UBXN4: variants seen among roughly 807,000 people sequenced by gnomAD.
The protein encoded by UBXN4 is UBX domain-containing protein 4.
A neutral mutation model predicts 66.2 loss-of-function variants in UBXN4; 35 were observed. The observed-to-expected ratio is 0.53, with a 90% CI of 0.40 to 0.70. UBXN4 has a LOEUF of 0.70. UBXN4 is among the 30% of genes least tolerant of loss of function. The pLI, the probability that UBXN4 is intolerant of heterozygous loss-of-function variation, is 0.00. For synonymous variants in UBXN4, 203 were observed against 204.5 expected (o/e 0.99, Z 0.06); for missense variants, 533 against 599.8 (o/e 0.89, Z 1.16).
intron 2 of UBXN4, among the ~76,000 whole-genome samples, chr2:135,753,178 A>C (rs2105494571): frequency 6.7e-6 from 1 of 149,356 alleles, no homozygotes; most frequent in Non-Finnish European, 1.5e-5. Flanking sequence ...CACTTGCCAC[A>C]ATGCCCAGCT....
chr2:135,754,215 G>A lies in UBXN4; in HGVS notation c.271G>A (p.Glu91Lys). The A allele has an allele frequency of 6.2e-7, 1 of 1,614,124 alleles. No homozygotes were observed. Among genetic ancestry groups the A allele is most frequent in the Non-Finnish European group, 8.5e-7 (1 of 1,180,008 alleles). ...TATTGGAGACAGTGGAATTCCCTTGGAAGTAATAGCAGGAAGTGTTTCTGC... is the reference window on the plus strand; with the variant it reads ...TATTGGAGACAGTGGAATTCCCTTGAAAGTAATAGCAGGAAGTGTTTCTGC... ...FFIGDSGIPLEVIAGSVSADE... is the reference protein window; with the variant it reads ...FFIGDSGIPLKVIAGSVSADE... Residue 91 changes from glutamate to lysine, a missense_variant, in exon 4 of 13, where the codon GAA becomes AAA. By Grantham distance (56) the Glu-to-Lys change is moderately conservative. This residue lies in a region of UBXN4 where 529 missense variants were observed against 580.1 expected (regional missense o/e 0.91). Transcript: ENST00000272638.
intron 5 of UBXN4, among the ~76,000 whole-genome samples, chr2:135,759,412 T>G (rs930404795): frequency 3.3e-5 from 5 of 152,192 alleles, no homozygotes; most frequent in African/African-American, 7.2e-5. Context: ...TATATTGCTA[T>G]TGGTTGATGT....
chr2:135,744,779 G>T (rs2077196622), intron 1 of UBXN4, among the ~76,000 whole-genome samples: 1 of 152,174 alleles, frequency 6.6e-6, no homozygotes, highest in Non-Finnish European at 1.5e-5. Flanking sequence ...TAACTTTATA[G>T]TTGATAATTT....
intron 1 of UBXN4, among the ~76,000 whole-genome samples, chr2:135,747,218 G>A (rs1411327841): frequency 6.6e-6 from 1 of 151,736 alleles, no homozygotes; most frequent in East Asian, 1.9e-4. Flanking sequence ...CGTGGTGGCG[G>A]GCACCTGTAA....
At chr2:135,747,995 T>G in intron 1 of UBXN4, 1 of 339,692 alleles carries the variant, frequency 2.9e-6, no homozygotes, top group Non-Finnish European at 5.5e-6. Flanking sequence ...CTTATTATTG[T>G]GGTACTTTGC....
In UBXN4 at chr2:135,761,228, C is replaced by T. The variant is rs186723908; in HGVS notation, c.509-590C>T. Among the ~76,000 whole-genome samples the T allele has an allele frequency of 3.4e-4, 52 of 152,250 alleles. No individual in the cohort carries two copies. The East Asian group carries it at 9.3e-3, about 27-fold the overall frequency. ...TTGTAGAATAGGCTAGGACAAAAGTCTATCTTTCAGGAAATCCTTCAAAGA... is the reference window on the plus strand; with the variant it reads ...TTGTAGAATAGGCTAGGACAAAAGTTTATCTTTCAGGAAATCCTTCAAAGA... On this transcript the variant is annotated intron_variant, in intron 5 of 12. Transcript: ENST00000272638.
chr2:135,784,405 A>G lies in UBXN4; in HGVS notation c.*1518A>G, dbSNP rs1395085390. ...CAGCAGGATCCAGAGCTATAGGTAC[A>G]GTGTGATCTCAGCTTTGCAAACACA... On this transcript the variant is annotated 3_prime_UTR_variant, in exon 13 of 13. Coordinates refer to ENST00000272638, the MANE Select transcript of UBXN4 (RefSeq NM_014607.4). 2 of 152,226 alleles carry G rather than the reference A, an allele frequency of 1.3e-5. No individual in the cohort carries two copies. Among genetic ancestry groups the G allele is most frequent in the Admixed American group, 1.3e-4 (2 of 15,284 alleles). The allele number at this position is 152,226 out of a possible 1,614,324, so 9.4% of individuals were successfully genotyped here. A position where few individuals can be genotyped will look rare whatever the true frequency, so the allele number is the denominator to read the frequency against.
At chr2:135,775,798 G>C (rs138972947) in intron 9 of UBXN4, among the ~76,000 whole-genome samples, 2 of 152,022 alleles carry the variant, frequency 1.3e-5, no homozygotes, top group African/African-American at 4.8e-5. Flanking sequence ...ATGGAGTCTC[G>C]CTCTATTGCC....
chr2:135,752,207 C>T (rs2077246917), intron 2 of UBXN4, among the ~76,000 whole-genome samples: 2 of 152,086 alleles, frequency 1.3e-5, no homozygotes, highest in African/African-American at 4.8e-5. Flanking sequence ...ACCACCACAC[C>T]CAGCTAATTT....
chr2:135,770,377 A>G (rs1429066950), intron 7 of UBXN4, among the ~76,000 whole-genome samples, 194 bp from the exon 8 acceptor site: 1 of 152,218 alleles, frequency 6.6e-6, no homozygotes, highest in African/African-American at 2.4e-5. Context: ...TGACTACATT[A>G]TTATCTTAAC....
intron 1 of UBXN4, among the ~76,000 whole-genome samples, chr2:135,742,367 C>T (rs773846002): frequency 1.8e-4 from 27 of 152,188 alleles, no homozygotes; most frequent in Non-Finnish European, 3.5e-4. Context: ...GGGCCGGAGG[C>T]ACCGTCTGGC....
intron 1 of UBXN4, among the ~76,000 whole-genome samples, chr2:135,743,160 A>T (rs2077187809): frequency 6.6e-6 from 1 of 152,370 alleles, no homozygotes; most frequent in South Asian, 2.1e-4. Flanking sequence ...TATGCACTGC[A>T]GTGAAGAACG....
intron 6 of UBXN4, among the ~76,000 whole-genome samples, chr2:135,769,087 C>T (rs1290543303): frequency 6.6e-6 from 1 of 152,132 alleles, no homozygotes; most frequent in African/African-American, 2.4e-5. Context: ...GCTGCAGCCT[C>T]GACCTCCCGG....
In UBXN4 at chr2:135,776,180, C is replaced by CT. The variant is rs763709995; in HGVS notation, c.951-68dup. On this transcript the variant is annotated intron_variant, in intron 9 of 12. Coordinates refer to ENST00000272638, the MANE Select transcript of UBXN4 (RefSeq NM_014607.4). ...TTGCACATTTCCACTTCCATTTTCT[C>CT]TAACTTAATGATATTGTTAGAGAAT... is the stretch of plus-strand genomic sequence containing the variant. 5.6e-5 allele frequency: 74 copies of CT among 1,315,708 alleles called. No homozygotes were observed. The Middle Eastern group carries it at 7.6e-4, about 14-fold the overall frequency. The allele number at this position is 1,315,708 out of a possible 1,614,324, so 81.5% of individuals were successfully genotyped here. A position where few individuals can be genotyped will look rare whatever the true frequency, so the allele number is the denominator to read the frequency against.
chr2:135,772,025 A>G (rs888614352), intron 8 of UBXN4, among the ~76,000 whole-genome samples: 1 of 152,244 alleles, frequency 6.6e-6, no homozygotes, highest in Non-Finnish European at 1.5e-5. Flanking sequence ...ATGGTGTTAG[A>G]CAATTTCAGG....
intron 6 of UBXN4, among the ~76,000 whole-genome samples, chr2:135,765,319 C>T (rs1018419282): frequency 2.6e-5 from 4 of 152,010 alleles, no homozygotes; most frequent in South Asian, 2.1e-4. Context: ...AAGCGATTCT[C>T]CTGCCTCAGC....
chr2:135,750,391 T>G (rs1312575865), intron 2 of UBXN4, among the ~76,000 whole-genome samples: 2 of 151,992 alleles, frequency 1.3e-5, no homozygotes, highest in African/African-American at 4.8e-5. Flanking sequence ...ATTCAGAAAT[T>G]TCTACTCGGG....
At chr2:135,744,058 T>A (rs1325047966) in intron 1 of UBXN4, among the ~76,000 whole-genome samples, 1 of 152,168 alleles carries the variant, frequency 6.6e-6, no homozygotes, top group Non-Finnish European at 1.5e-5. Flanking sequence ...CAAGACTAAG[T>A]AGGATTAGTG....
chr2:135,769,664 G>T (rs1008261312), intron 6 of UBXN4, 105 bp from the exon 7 acceptor site: 14 of 869,704 alleles, frequency 1.6e-5, no homozygotes, highest in Middle Eastern at 7.1e-4. Flanking sequence ...TTGTTTGTTT[G>T]TTTCTTTATT....
Sources: gnomAD v4.1 joint callset for allele counts (sites outside exome capture counted in the v4.1 genomes callset) on GRCh38, gnomAD v4.1.1 for gene constraint, gnomAD v4.1.1 regional missense constraint, MANE v1.5 for transcripts, NCBI Gene and HGNC (gene_info 2026-07-23, HGNC 2026-07-21) for gene names.